Variants in FLOT1 observed in about 807,000 individuals in gnomAD.
FLOT1 encodes the protein flotillin 1.
FLOT1 carries 40 observed loss-of-function variants against 58.4 expected under a neutral mutation model. The observed-to-expected ratio is 0.69, with a 90% CI of 0.53 to 0.89. The LOEUF is 0.89. FLOT1 is among the 40% of genes least tolerant of loss of function. The probability of loss-of-function intolerance (pLI) is 0.00; values close to 1 mark genes in which losing one functional copy is unlikely to be tolerated. For missense variants in FLOT1, 423 were observed against 540.8 expected (o/e 0.78, Z 2.16); for synonymous variants, 178 against 204.2 (o/e 0.87, Z 1.09).
Position 30,727,830 on chromosome 6 carries a change from TCAAA to T in FLOT1, c.*282_*285del, listed in dbSNP as rs1776836826. On this transcript the variant is annotated 3_prime_UTR_variant, in exon 13 of 13. Transcript: ENST00000376389. The stretch of plus-strand genomic sequence containing the variant: ...CAGGAAAATATTCTAGACAACAGGC[TCAAA>T]CAGTCTGATTTAATTAGGAAGTTAA... The T allele has an allele frequency of 1.7e-6, 1 of 575,856 alleles. No homozygotes were observed. Among genetic ancestry groups the T allele is most frequent in the Non-Finnish European group, 3.1e-6 (1 of 322,018 alleles). The allele number at this position is 575,856 out of a possible 1,614,324, so 35.7% of individuals were successfully genotyped here. A position where few individuals can be genotyped will look rare whatever the true frequency, so the allele number is the denominator to read the frequency against.
Position 30,728,219 on chromosome 6 carries a change from G to C in FLOT1, c.1255-74C>G, listed in dbSNP as rs937773664. ...GAGGCCCCTACTCTCCCGGGCCCCA[G>C]TTTAGACGAATGGGCTATAGGCAGA... On this transcript the variant is annotated intron_variant, in intron 12 of 12. Transcript: ENST00000376389. 3 of 1,320,588 alleles carry C rather than the reference G, an allele frequency of 2.3e-6. No homozygotes were observed. The African/African-American group carries it at 4.4e-5, about 19-fold the overall frequency. 81.8% of individuals were successfully genotyped at this position (1,320,588 alleles called of 1,614,324 possible). A position where few individuals can be genotyped will look rare whatever the true frequency, so the allele number is the denominator to read the frequency against.
At chr6:30,730,215 C>T (rs2127762029) in intron 11 of FLOT1, 29 bp from the exon 12 acceptor site, 1 of 1,610,334 alleles carries the variant, frequency 6.2e-7, no homozygotes, top group Non-Finnish European at 8.5e-7. Flanking sequence ...CCACTCAGTG[C>T]CCATGATCTG....
rs146050958 is a variant in FLOT1 at position 30,737,242 on chromosome 6, G to GTCCATCCC, written c.723+2915_723+2916insGGGATGGA. Among the ~76,000 whole-genome samples the GTCCATCCC allele has an allele frequency of 6.9e-6, 1 of 145,746 alleles. No individual in the cohort carries two copies. The highest frequency in any genetic ancestry group is 2.6e-5 in the African/African-American group (1 of 38,444). On this transcript the variant is annotated intron_variant, in intron 8 of 12. Coordinates refer to ENST00000376389, the MANE Select transcript of FLOT1 (RefSeq NM_005803.4). The surrounding 1 kb of genome is among the most constrained non-coding windows in gnomAD (Gnocchi z 4.4). Reference sequence around the variant, plus strand: ...CGTCCGTCCGTCCGTCCGTCCGTCCGTCCGTCCATCCGTCCATCCATCCAT... The same window carrying GTCCATCCC: ...CGTCCGTCCGTCCGTCCGTCCGTCCGTCCATCCCTCCGTCCATCCGTCCATCCATCCAT...
Position 30,728,027 on chromosome 6 carries a change from T to C in FLOT1, c.*89A>G, listed in dbSNP as rs1776851884. The stretch of plus-strand genomic sequence containing the variant: ...GGTGGGACCTCACTGTCAATGGACA[T>C]GCTCAGGGAGGCCAGTGGGTTACAT... On this transcript the variant is annotated 3_prime_UTR_variant, in exon 13 of 13. Coordinates refer to ENST00000376389, the MANE Select transcript of FLOT1 (RefSeq NM_005803.4). 2 of 1,204,816 alleles carry C rather than the reference T, an allele frequency of 1.7e-6. No individual in the cohort carries two copies. Among genetic ancestry groups the C allele is most frequent in the Non-Finnish European group, 2.5e-6 (2 of 808,884 alleles). The allele number at this position is 1,204,816 out of a possible 1,614,324, so 74.6% of individuals were successfully genotyped here.
intron 8 of FLOT1, among the ~76,000 whole-genome samples, chr6:30,736,605 T>C (rs553566320): frequency 6.6e-6 from 1 of 151,730 alleles, no homozygotes; most frequent in South Asian, 2.1e-4. Flanking sequence ...CTTTTGCTTT[T>C]TTTTTTGAGA....
chr6:30,741,955 C>T lies in FLOT1; in HGVS notation c.44-88G>A. ...GCGGGGGTGAGGGGACAGCAACCCA[C>T]AGGAGAGAATCTGGGAGCTGGAGGG... On this transcript the variant is annotated intron_variant, in intron 2 of 12. Coordinates refer to ENST00000376389, the MANE Select transcript of FLOT1 (RefSeq NM_005803.4). This position sits in a 1 kb window ranked among gnomAD's most constrained non-coding sequence, Gnocchi z 5.9. 1 of 1,317,470 alleles carries T rather than the reference C, an allele frequency of 7.6e-7. No homozygotes were observed. Among genetic ancestry groups the T allele is most frequent in the Non-Finnish European group, 1.1e-6 (1 of 921,180 alleles). 81.6% of individuals were successfully genotyped at this position (1,317,470 alleles called of 1,614,324 possible). A position where few individuals can be genotyped will look rare whatever the true frequency, so the allele number is the denominator to read the frequency against.
Position 30,730,123 on chromosome 6 carries a change from T to G in FLOT1, c.1153A>C (p.Ser385Arg). ...ANKITLVSSG[S>R]GTMGAAKVTG... ...ACTTTGGCTGCCCCCATGGTCCCAC[T>G]GCCGCTGGACACCAGTGTGATCTTA... Residue 385 changes from serine (S) to arginine (R), a missense_variant, in exon 12 of 13, where the codon AGT (serine) becomes CGT (arginine). By Grantham distance (110) the Ser-to-Arg change is moderately radical. Coordinates refer to ENST00000376389, the MANE Select transcript of FLOT1 (RefSeq NM_005803.4). 6.2e-7 allele frequency: 1 copy of G among 1,613,044 alleles called. No individual in the cohort carries two copies. Among genetic ancestry groups the G allele is most frequent in the Non-Finnish European group, 8.5e-7 (1 of 1,179,990 alleles).
chr6:30,740,703 A>G lies in FLOT1; in HGVS notation c.450T>C (p.Thr150=), dbSNP rs1041304126. Residue 150 remains threonine, a synonymous_variant, in exon 6 of 13, where the codon ACT becomes ACC. Transcript: ENST00000376389. ...VNMGISVVSY[T]LKDIHDDQDY... Reference sequence around the variant, plus strand: ...CCTGGTCATCGTGAATGTCCTTCAGAGTGTAGCTAACCACACTGATGCCCA... The same window carrying G: ...CCTGGTCATCGTGAATGTCCTTCAGGGTGTAGCTAACCACACTGATGCCCA... 18 of 1,612,952 alleles carry G rather than the reference A, an allele frequency of 1.1e-5. No homozygotes were observed. The highest frequency in any genetic ancestry group is 1.5e-5 in the Non-Finnish European group (18 of 1,180,012).
At position 30,737,209 on chromosome 6, in the gene FLOT1, C is replaced by CTGACTGACT. The variant is rs9281025; in HGVS notation, c.723+2948_723+2949insAGTCAGTCA. On this transcript the variant is annotated intron_variant, in intron 8 of 12. Transcript: ENST00000376389. The surrounding 1 kb of genome is among the most constrained non-coding windows in gnomAD (Gnocchi z 4.4). ...ACTGACTGACTGACTGACTGTCTGT[C>CTGACTGACT]GTCCGTCCGTCCGTCCGTCCGTCCG... Among the ~76,000 whole-genome samples, 1 of 71,962 alleles carries CTGACTGACT rather than the reference C, an allele frequency of 1.4e-5. No individual in the cohort carries two copies. 47.2% of individuals were successfully genotyped at this position (71,962 alleles called of 152,430 possible). A position where few individuals can be genotyped will look rare whatever the true frequency, so the allele number is the denominator to read the frequency against.
At chr6:30,739,706 C>T (rs1444778097) in intron 8 of FLOT1, among the ~76,000 whole-genome samples, 1 of 150,902 alleles carries the variant, frequency 6.6e-6, no homozygotes, top group Admixed American at 6.6e-5. Flanking sequence ...CACTGTCACC[C>T]AGGCTGGAGT....
At position 30,740,816 on chromosome 6, in the gene FLOT1, T is replaced by C. The variant is rs1289450063; in HGVS notation, c.355-18A>G. On this transcript the variant is annotated intron_variant, in intron 5 of 12. Coordinates refer to ENST00000376389, the MANE Select transcript of FLOT1 (RefSeq NM_005803.4). ...TAGATCTCCTGTGATAACAGGATGG[T>C]GGGGAGAAGGGATGTAAGTTTTTTT... 1 of 1,381,704 alleles carries C rather than the reference T, an allele frequency of 7.2e-7. No homozygotes were observed. The allele number at this position is 1,381,704 out of a possible 1,614,324, so 85.6% of individuals were successfully genotyped here.
In FLOT1 at chr6:30,737,208, T is replaced by TCTGTCGTCCGTCCGTC. The variant is rs1554208448; in HGVS notation, c.723+2949_723+2950insGACGGACGGACGACAG. Among the ~76,000 whole-genome samples the TCTGTCGTCCGTCCGTC allele has an allele frequency of 7.2e-6, 1 of 138,042 alleles. No homozygotes were observed. The highest frequency in any genetic ancestry group is 1.5e-5 in the Non-Finnish European group (1 of 64,578). The allele number at this position is 138,042 out of a possible 152,430, so 90.6% of individuals were successfully genotyped here. On this transcript the variant is annotated intron_variant, in intron 8 of 12. Transcript: ENST00000376389. This position sits in a 1 kb window ranked among gnomAD's most constrained non-coding sequence, Gnocchi z 4.4. ...GACTGACTGACTGACTGACTGTCTG[T>TCTGTCGTCCGTCCGTC]CGTCCGTCCGTCCGTCCGTCCGTCC...
chr6:30,739,030 A>C (rs531763900), intron 8 of FLOT1, among the ~76,000 whole-genome samples: 4 of 152,350 alleles, frequency 2.6e-5, no homozygotes, highest in African/African-American at 9.6e-5. Context: ...AAATTCTCAG[A>C]TACGAATAAT....
At position 30,742,503 on chromosome 6, in the gene FLOT1, C is replaced by A; in HGVS notation, c.-15+24G>T. ...CTCCCTGCTTCTCGGCAGCCCCAGG[C>A]TCCATCTCCCCTCCCCCACTCACCT... On this transcript the variant is annotated intron_variant, in intron 1 of 12. Transcript: ENST00000376389. The surrounding 1 kb of genome is among the most constrained non-coding windows in gnomAD (Gnocchi z 5.2). The A allele has an allele frequency of 2.3e-6, 1 of 435,038 alleles. No individual in the cohort carries two copies. Among genetic ancestry groups the A allele is most frequent in the Non-Finnish European group, 4.1e-6 (1 of 241,040 alleles). The allele number at this position is 435,038 out of a possible 1,614,324, so 26.9% of individuals were successfully genotyped here. A position where few individuals can be genotyped will look rare whatever the true frequency, so the allele number is the denominator to read the frequency against.
chr6:30,737,226 G>GTCCATCCATCCA lies in FLOT1; in HGVS notation c.723+2931_723+2932insTGGATGGATGGA, dbSNP rs1298103754. On this transcript the variant is annotated intron_variant, in intron 8 of 12. Transcript: ENST00000376389. The surrounding 1 kb of genome is among the most constrained non-coding windows in gnomAD (Gnocchi z 4.4). ...CTGTCTGTCGTCCGTCCGTCCGTCC[G>GTCCATCCATCCA]TCCGTCCGTCCGTCCGTCCGTCCAT... 7.2e-6 allele frequency among the ~76,000 whole-genome samples: 1 copy of GTCCATCCATCCA among 139,822 alleles called. No individual in the cohort carries two copies. The highest frequency in any genetic ancestry group is 2.2e-4 in the East Asian group (1 of 4,648). The allele number at this position is 139,822 out of a possible 152,430, so 91.7% of individuals were successfully genotyped here.
At position 30,742,054 on chromosome 6, in the gene FLOT1, G is replaced by C; in HGVS notation, c.43+93C>G. The C allele has an allele frequency of 7.3e-7, 1 of 1,376,272 alleles. No individual in the cohort carries two copies. The highest frequency in any genetic ancestry group is 1.0e-6 in the Non-Finnish European group (1 of 971,294). 85.3% of individuals were successfully genotyped at this position (1,376,272 alleles called of 1,614,324 possible). A position where few individuals can be genotyped will look rare whatever the true frequency, so the allele number is the denominator to read the frequency against. On this transcript the variant is annotated intron_variant, in intron 2 of 12. Coordinates refer to ENST00000376389, the MANE Select transcript of FLOT1 (RefSeq NM_005803.4). This position sits in a 1 kb window ranked among gnomAD's most constrained non-coding sequence, Gnocchi z 5.2. ...GGCCATCAAGGGGCAGAAGTCTGGT[G>C]CTGGGAAGTTGGTAGGGAGAGGGAG... is the stretch of plus-strand genomic sequence containing the variant.
chr6:30,734,309 C>CT (rs568968027), intron 8 of FLOT1, among the ~76,000 whole-genome samples: 10,082 of 135,778 alleles, frequency 0.074, 650 homozygotes, highest in African/African-American at 0.16. Context: ...ATGTGCTTGA[C>CT]TTTTTTTTTT....
chr6:30,731,341 C>T (rs1777179515), intron 8 of FLOT1, among the ~76,000 whole-genome samples: 1 of 151,988 alleles, frequency 6.6e-6, no homozygotes. Flanking sequence ...AAAAATTAGC[C>T]AGGTGTGGTG....
In FLOT1 at chr6:30,737,204, TC is replaced by T. The variant is rs1777627470; in HGVS notation, c.723+2953del. Among the ~76,000 whole-genome samples the T allele has an allele frequency of 1.6e-5, 2 of 126,812 alleles. No homozygotes were observed. The highest frequency in any genetic ancestry group is 3.4e-5 in the African/African-American group (1 of 29,364). 83.2% of individuals were successfully genotyped at this position (126,812 alleles called of 152,430 possible). A position where few individuals can be genotyped will look rare whatever the true frequency, so the allele number is the denominator to read the frequency against. ...GTATGACTGACTGACTGACTGACTG[TC>T]TGTCGTCCGTCCGTCCGTCCGTCCG... On this transcript the variant is annotated intron_variant, in intron 8 of 12. Transcript: ENST00000376389. This position sits in a 1 kb window ranked among gnomAD's most constrained non-coding sequence, Gnocchi z 4.4.
Sources: gnomAD v4.1 joint callset for allele counts (sites outside exome capture counted in the v4.1 genomes callset) on GRCh38, gnomAD v4.1.1 for gene constraint, Gnocchi (gnomAD v3.1) non-coding constraint, MANE v1.5 for transcripts, NCBI Gene and HGNC (gene_info 2026-07-23, HGNC 2026-07-21) for gene names.